Variants in NDFIP1 observed in about 807,000 individuals in gnomAD.
The protein encoded by NDFIP1 is Nedd4 family interacting protein 1.
Under a neutral mutation model 28.8 loss-of-function variants are expected in NDFIP1, and 7 were observed. That is an observed-to-expected ratio of 0.24 (90% CI 0.14 to 0.46). The LOEUF is 0.46. NDFIP1 is among the 20% of genes least tolerant of loss of function. The pLI, the probability that NDFIP1 is intolerant of heterozygous loss-of-function variation, is 0.99. For missense variants in NDFIP1, 194 were observed against 269.1 expected (o/e 0.72, Z 1.95); for synonymous variants, 92 against 101.0 (o/e 0.91, Z 0.53).
chr5:142,108,998 G>A lies in NDFIP1; in HGVS notation c.24G>A (p.Leu8=). 1 of 1,444,200 alleles carries A rather than the reference G, an allele frequency of 6.9e-7. No homozygotes were observed. The highest frequency in any genetic ancestry group is 9.1e-7 in the Non-Finnish European group (1 of 1,101,582). 89.5% of individuals were successfully genotyped at this position (1,444,200 alleles called of 1,614,324 possible). The change falls in exon 1 of 8, where the codon CTG becomes CTA. Residue 8 remains leucine, a synonymous_variant. Transcript: ENST00000253814. MALALAA[L]AAVEPACGSR... ...CCATGGCGTTGGCGTTGGCGGCGCTGGCGGCGGTCGAGCCGGCCTGCGGCA... is the reference window on the plus strand; with the variant it reads ...CCATGGCGTTGGCGTTGGCGGCGCTAGCGGCGGTCGAGCCGGCCTGCGGCA...
intron 1 of NDFIP1, among the ~76,000 whole-genome samples, chr5:142,110,356 C>T (rs12653866): frequency 0.67 from 102,307 of 151,970 alleles, 34,765 homozygotes; most frequent in African/African-American, 0.77. Flanking sequence ...ATAACAGATG[C>T]CACTTAACTG....
rs150527509 is a variant in NDFIP1, at chr5:142,140,125, T to C, written c.496-438T>C. ...TACTTTCACTTATATTTTAAAATTA[T>C]TCTAAAGGCTAAGTGATGGCATTGG... On this transcript the variant is annotated intron_variant, in intron 5 of 7. Transcript: ENST00000253814. 8.1e-4 allele frequency among the ~76,000 whole-genome samples: 123 copies of C among 152,276 alleles called. 4 individuals are homozygous for C. In the South Asian group the frequency reaches 8.7e-3, roughly 11 times the overall value.
At chr5:142,126,558 T>C (rs904768094) in intron 1 of NDFIP1, among the ~76,000 whole-genome samples, 16 of 152,222 alleles carry the variant, frequency 1.1e-4, no homozygotes, top group African/African-American at 3.6e-4. Context: ...CTGAGGTGTA[T>C]GTTGATACCT....
intron 7 of NDFIP1, among the ~76,000 whole-genome samples, chr5:142,150,816 G>T (rs1211744058): frequency 6.6e-6 from 1 of 152,096 alleles, no homozygotes; most frequent in African/African-American, 2.4e-5. Context: ...TAAGTTATAG[G>T]CCGATATTTG....
intron 1 of NDFIP1, among the ~76,000 whole-genome samples, chr5:142,127,570 G>GCATA (rs1193228725): frequency 6.6e-6 from 1 of 152,200 alleles, no homozygotes; most frequent in Non-Finnish European, 1.5e-5. Flanking sequence ...AGCGATGGAG[G>GCATA]CATAGGTAGT....
At position 142,132,240 on chromosome 5, in the gene NDFIP1, G is replaced by T. The variant is rs757794246; in HGVS notation, c.180G>T (p.Gly60=). 1.2e-6 allele frequency: 2 copies of T among 1,613,764 alleles called. No individual in the cohort carries two copies. Among genetic ancestry groups the T allele is most frequent in the Admixed American group, 3.3e-5 (2 of 59,886 alleles). The change falls in exon 3 of 8, where the codon GGG becomes GGT. Residue 60 remains glycine (G), a synonymous_variant. Transcript: ENST00000253814. ...ATTTTGACTACAAGGATGAGTCTGG[G>T]TTTCCAAAGCCCCCATCTTACAATG... ...AAYFDYKDES[G]FPKPPSYNVA...
intron 1 of NDFIP1, among the ~76,000 whole-genome samples, chr5:142,123,787 G>A (rs902739676): frequency 5.3e-5 from 8 of 152,152 alleles, no homozygotes; most frequent in African/African-American, 1.4e-4. Context: ...GGAGCCAGGT[G>A]TGTAGTCTCC....
chr5:142,147,885 CAG>C, intron 7 of NDFIP1, among the ~76,000 whole-genome samples: 1 of 152,272 alleles, frequency 6.6e-6, no homozygotes, highest in South Asian at 2.1e-4. Context: ...GATCAGAATA[CAG>C]AGTTTATGCA....
intron 6 of NDFIP1, among the ~76,000 whole-genome samples, chr5:142,141,515 C>CT (rs993319766): frequency 1.3e-5 from 2 of 151,926 alleles, no homozygotes; most frequent in Non-Finnish European, 2.9e-5. Flanking sequence ...TTTTTAAATA[C>CT]TTTTTTCCTA....
chr5:142,113,948 C>A (rs1008714964), intron 1 of NDFIP1, among the ~76,000 whole-genome samples: 4 of 152,154 alleles, frequency 2.6e-5, no homozygotes, highest in African/African-American at 9.7e-5. Flanking sequence ...TTTATGCATT[C>A]ATTTGTTGAC....
chr5:142,110,173 G>C (rs753922789), intron 1 of NDFIP1, among the ~76,000 whole-genome samples: 1 of 152,142 alleles, frequency 6.6e-6, no homozygotes, highest in Non-Finnish European at 1.5e-5. Context: ...ACTCAGGCTT[G>C]GACTCCCAAA....
chr5:142,109,030 A>G lies in NDFIP1; in HGVS notation c.56A>G (p.Tyr19Cys), dbSNP rs1407577139. ...GTCGAGCCGGCCTGCGGCAGCCGGT[A>G]CCAGCAGGTAAGCGGCGCCCGACTC... ...AAVEPACGSR[Y>C]QQLQNEEESG... Residue 19 changes from tyrosine (Y) to cysteine (C), a missense_variant, in exon 1 of 8, where the codon TAC (tyrosine) becomes TGC (cysteine). Physicochemically the swap from Tyr to Cys is radical, Grantham distance 194. Coordinates refer to ENST00000253814, the MANE Select transcript of NDFIP1 (RefSeq NM_030571.4). The G allele has an allele frequency of 8.4e-6, 12 of 1,430,990 alleles. No homozygotes were observed. Among genetic ancestry groups the G allele is most frequent in the Non-Finnish European group, 9.1e-6 (10 of 1,093,356 alleles). The allele number at this position is 1,430,990 out of a possible 1,614,324, so 88.6% of individuals were successfully genotyped here. A position where few individuals can be genotyped will look rare whatever the true frequency, so the allele number is the denominator to read the frequency against.
In NDFIP1 at chr5:142,137,755, T is replaced by C; in HGVS notation, c.392T>C (p.Ile131Thr). The change falls in exon 5 of 8, where the codon ATT becomes ACT. Residue 131 changes from isoleucine (I) to threonine (T), a missense_variant. By Grantham distance (89) the Ile-to-Thr change is moderately conservative (BLOSUM62 -1). Coordinates refer to ENST00000253814, the MANE Select transcript of NDFIP1 (RefSeq NM_030571.4). ...TFFMAFLFNWIGFFLSFCLTT... is the reference protein window; with the variant it reads ...TFFMAFLFNWTGFFLSFCLTT... ...GCAGTGGCATTCCTCTTTAACTGGA[T>C]TGGGTTTTTCCTGTCTTTTTGCCTG... The C allele has an allele frequency of 6.2e-7, 1 of 1,614,126 alleles. No individual in the cohort carries two copies.
chr5:142,144,863 A>C (rs1463156360), intron 7 of NDFIP1, among the ~76,000 whole-genome samples, 187 bp downstream of exon 7: 1 of 152,236 alleles, frequency 6.6e-6, no homozygotes, highest in Non-Finnish European at 1.5e-5. Context: ...GATAAAGTCA[A>C]ATTAGAAAAA....
chr5:142,132,232 G>A lies in NDFIP1; in HGVS notation c.172G>A (p.Glu58Lys). The A allele has an allele frequency of 6.2e-7, 1 of 1,612,632 alleles. No individual in the cohort carries two copies. The highest frequency in any genetic ancestry group is 8.5e-7 in the Non-Finnish European group (1 of 1,179,724). ...TGCAGCATATTTTGACTACAAGGAT[G>A]AGTCTGGGTTTCCAAAGCCCCCATC... ...ESAAYFDYKD[E>K]SGFPKPPSYN... Residue 58 changes from glutamate to lysine, a missense_variant, in exon 3 of 8, where the codon GAG (glutamate) becomes AAG (lysine). Physicochemically the swap from Glu to Lys is moderately conservative, Grantham distance 56. Coordinates refer to ENST00000253814, the MANE Select transcript of NDFIP1 (RefSeq NM_030571.4).
intron 6 of NDFIP1, chr5:142,143,510 T>C (rs993499591): frequency 1.3e-5 from 2 of 150,804 alleles, no homozygotes; most frequent in Non-Finnish European, 3.0e-5. Context: ...TTTCTACCAC[T>C]GAGTATCCCA....
chr5:142,121,787 T>G (rs1176861440), intron 1 of NDFIP1, among the ~76,000 whole-genome samples: 1 of 152,246 alleles, frequency 6.6e-6, no homozygotes, highest in African/African-American at 2.4e-5. Flanking sequence ...ATATGAATAC[T>G]TTTCATAGAT....
intron 7 of NDFIP1, among the ~76,000 whole-genome samples, chr5:142,145,895 C>G (rs529400485): frequency 4.6e-4 from 70 of 152,242 alleles, no homozygotes; most frequent in African/African-American, 1.6e-3. Flanking sequence ...CAATCATATA[C>G]TAATCGTGAG....
At chr5:142,112,593 C>G (rs7704575) in intron 1 of NDFIP1, among the ~76,000 whole-genome samples, 10,543 of 147,236 alleles carry the variant, frequency 0.072, 471 homozygotes, top group Middle Eastern at 0.14. Context: ...AGATCGAGAC[C>G]ATCCTGGCTA....
Sources: gnomAD v4.1 joint callset for allele counts (sites outside exome capture counted in the v4.1 genomes callset) on GRCh38, gnomAD v4.1.1 for gene constraint, MANE v1.5 for transcripts, NCBI Gene and HGNC (gene_info 2026-07-23, HGNC 2026-07-21) for gene names.